DOCK1: variants seen among roughly 807,000 people sequenced by gnomAD.
DOCK1 encodes dedicator of cytokinesis protein 1.
In DOCK1, 138 loss-of-function variants were observed where a neutral mutation model predicts 262.7. That is an observed-to-expected ratio of 0.53 (90% confidence interval 0.46 to 0.61). DOCK1 has a LOEUF of 0.61. DOCK1 is among the 20% of genes least tolerant of loss of function. The pLI is 0.00. For missense variants in DOCK1, 1,908 were observed against 2,370.7 expected (o/e 0.80, Z 4.05); for synonymous variants, 866 against 867.4 (o/e 1.00, Z 0.03).
At chr10:127,104,459 T>A (rs754631917) in intron 23 of DOCK1, among the ~76,000 whole-genome samples, 5 of 152,224 alleles carry the variant, frequency 3.3e-5, no homozygotes, top group Non-Finnish European at 7.3e-5. Flanking sequence ...GAGGAGGGCA[T>A]GAAGTTTATT....
intron 1 of DOCK1, among the ~76,000 whole-genome samples, chr10:126,936,618 A>G (rs2034574100): frequency 6.6e-6 from 1 of 152,214 alleles, no homozygotes; most frequent in South Asian, 2.1e-4. Context: ...CACCTCTGGT[A>G]TTGGTTCAAA....
At chr10:127,254,212 C>G (rs1472548637) in intron 28 of DOCK1, among the ~76,000 whole-genome samples, 2 of 152,122 alleles carry the variant, frequency 1.3e-5, no homozygotes, top group East Asian at 1.9e-4. Context: ...CTTTCTTTTT[C>G]TAAAATAAAT....
At chr10:127,386,483 C>T (rs774476043) in intron 38 of DOCK1, among the ~76,000 whole-genome samples, 4 of 151,766 alleles carry the variant, frequency 2.6e-5, no homozygotes, top group Non-Finnish European at 5.9e-5. Flanking sequence ...CCTGCCAGAT[C>T]AGCAGCACCA....
intron 1 of DOCK1, among the ~76,000 whole-genome samples, chr10:126,934,124 C>T (rs2034382054): frequency 6.6e-6 from 1 of 152,060 alleles, no homozygotes; most frequent in African/African-American, 2.4e-5. Context: ...ACCTATTTTA[C>T]TCTTAAAACT....
intron 37 of DOCK1, among the ~76,000 whole-genome samples, chr10:127,382,440 A>C (rs2065875835): frequency 1.3e-5 from 2 of 152,202 alleles, no homozygotes; most frequent in Admixed American, 1.3e-4. Context: ...TGGAAACAGC[A>C]GTGTCTGTTA....
intron 29 of DOCK1, among the ~76,000 whole-genome samples, chr10:127,302,896 G>T (rs1331235027): frequency 6.6e-6 from 1 of 151,934 alleles, no homozygotes. Context: ...GCAGGTGCAT[G>T]GTCACTAGAA....
chr10:127,347,594 G>A (rs2063692388), intron 31 of DOCK1, among the ~76,000 whole-genome samples: 1 of 151,926 alleles, frequency 6.6e-6, no homozygotes, highest in African/African-American at 2.4e-5. Flanking sequence ...GGGTGTGGGG[G>A]CTCGTGGTCT....
At chr10:127,336,394 G>A (rs1054942296) in intron 29 of DOCK1, among the ~76,000 whole-genome samples, 1 of 151,902 alleles carries the variant, frequency 6.6e-6, no homozygotes, top group African/African-American at 2.4e-5. Flanking sequence ...GAATTTCCAC[G>A]TTGTTTTTGT....
intron 1 of DOCK1, among the ~76,000 whole-genome samples, chr10:126,908,016 G>A (rs2031184547): frequency 6.6e-6 from 1 of 152,176 alleles, no homozygotes; most frequent in Admixed American, 6.5e-5. Flanking sequence ...GAAGAGAGTG[G>A]CTGCTGTGCT....
At chr10:127,242,185 C>T (rs568385966) in intron 27 of DOCK1, among the ~76,000 whole-genome samples, 27 of 152,260 alleles carry the variant, frequency 1.8e-4, no homozygotes, top group Admixed American at 1.7e-3. Flanking sequence ...ATGTGCCTTA[C>T]TGTCATTTAA....
At chr10:127,196,845 G>A (rs1244573867) in intron 27 of DOCK1, among the ~76,000 whole-genome samples, 1 of 151,940 alleles carries the variant, frequency 6.6e-6, no homozygotes, top group South Asian at 2.1e-4. Flanking sequence ...CATGGCCCGG[G>A]AACTTGTTGA....
Position 127,451,727 on chromosome 10 carries a change from C to A in DOCK1, c.*300C>A, listed in dbSNP as rs548868896. 4.6e-6 allele frequency: 2 copies of A among 438,916 alleles called. No homozygotes were observed. The highest frequency in any genetic ancestry group is 4.3e-5 in the Admixed American group (1 of 23,428). 27.2% of individuals were successfully genotyped at this position (438,916 alleles called of 1,614,324 possible). A position where few individuals can be genotyped will look rare whatever the true frequency, so the allele number is the denominator to read the frequency against. On this transcript the variant is annotated 3_prime_UTR_variant, in exon 52 of 52. Coordinates refer to ENST00000623213, the MANE Select transcript of DOCK1 (RefSeq NM_001290223.2). ...TCTGAGTCTTGCCCAAACATTCTTT[C>A]TTTTTGTGCCAAATGACTTGCATTT...
intron 29 of DOCK1, among the ~76,000 whole-genome samples, chr10:127,318,504 G>A (rs997681318): frequency 6.6e-6 from 1 of 152,208 alleles, no homozygotes; most frequent in Non-Finnish European, 1.5e-5. Flanking sequence ...AGCAGCATGT[G>A]CAAGGATGGG....
intron 13 of DOCK1, among the ~76,000 whole-genome samples, chr10:127,019,541 G>GT (rs1334250329): frequency 2.6e-5 from 4 of 152,036 alleles, no homozygotes; most frequent in African/African-American, 9.7e-5. Flanking sequence ...TTGAACTCGG[G>GT]TTCGAGACCA....
intron 29 of DOCK1, among the ~76,000 whole-genome samples, chr10:127,299,647 G>A (rs1376969875): frequency 6.6e-6 from 1 of 152,198 alleles, no homozygotes; most frequent in African/African-American, 2.4e-5. Context: ...TGAACTGCAA[G>A]AATAACTTTA....
chr10:127,016,485 C>T (rs61875527), intron 12 of DOCK1: 6,869 of 152,358 alleles, frequency 0.045, 215 homozygotes, highest in Non-Finnish European at 0.068. Context: ...GTGCCGGCAC[C>T]GCTGTCGGTT....
chr10:127,307,587 C>A (rs2061921762), intron 29 of DOCK1, among the ~76,000 whole-genome samples: 1 of 152,216 alleles, frequency 6.6e-6, no homozygotes, highest in African/African-American at 2.4e-5. Flanking sequence ...TGGCCTGGGG[C>A]AGAACAGGAT....
intron 29 of DOCK1, chr10:127,271,929 G>C (rs1027237159): frequency 6.7e-6 from 1 of 148,710 alleles, no homozygotes; most frequent in South Asian, 2.1e-4. Flanking sequence ...AGATCTATTA[G>C]CCAGAGCTAA....
intron 31 of DOCK1, among the ~76,000 whole-genome samples, chr10:127,353,889 C>T (rs10741228): frequency 0.42 from 63,801 of 152,028 alleles, 13,640 homozygotes; most frequent in South Asian, 0.56. Flanking sequence ...CTTCTGTAAT[C>T]AGTGCTTTCC....
Sources: gnomAD v4.1 joint callset for allele counts (sites outside exome capture counted in the v4.1 genomes callset) on GRCh38, gnomAD v4.1.1 for gene constraint, MANE v1.5 for transcripts, NCBI Gene and HGNC (gene_info 2026-07-23, HGNC 2026-07-21) for gene names.